RARB: variants seen among roughly 807,000 people sequenced by gnomAD.
The protein encoded by RARB is retinoic acid receptor beta, also known as HBV-activated protein.
RARB carries 17 observed loss-of-function variants against 51.9 expected under a neutral mutation model. The ratio of observed to expected loss-of-function variants is 0.33; its 90% CI spans 0.22 to 0.49. The LOEUF is 0.49. RARB is among the 20% of genes least tolerant of loss of function. The probability of loss-of-function intolerance (pLI) is 0.99; values close to 1 mark genes in which losing one functional copy is unlikely to be tolerated. For missense variants in RARB, 369 were observed against 550.8 expected (o/e 0.67, Z 3.30); for synonymous variants, 215 against 195.4 (o/e 1.10, Z -0.84).
At chr3:25,319,965 A>G (rs116669101) in intron 5 of RARB, among the ~76,000 whole-genome samples, 1,691 of 152,258 alleles carry the variant, frequency 0.011, 14 homozygotes, top group Non-Finnish European at 0.017. Context: ...CTTGCCGTAA[A>G]TCAGTCTTTC....
intron 5 of RARB, among the ~76,000 whole-genome samples, chr3:25,183,283 A>G (rs1700901076): frequency 6.6e-6 from 1 of 151,982 alleles, no homozygotes; most frequent in South Asian, 2.1e-4. Flanking sequence ...GACTTTTTTT[A>G]TTACTGCATA....
At chr3:25,037,296 G>A (rs1698017984) in intron 2 of RARB, among the ~76,000 whole-genome samples, 1 of 150,078 alleles carries the variant, frequency 6.7e-6, no homozygotes, top group South Asian at 2.1e-4. Context: ...GGCGAATAAA[G>A]TTTCAAAGAA....
intron 5 of RARB, among the ~76,000 whole-genome samples, chr3:25,418,452 A>G (rs1031723578): frequency 5.9e-5 from 9 of 152,136 alleles, no homozygotes; most frequent in African/African-American, 1.9e-4. Context: ...ACAATTGCAA[A>G]TGAAAAGAAT....
intron 5 of RARB, among the ~76,000 whole-genome samples, chr3:25,181,860 C>T (rs372410094): frequency 7.2e-5 from 11 of 152,166 alleles, no homozygotes; most frequent in Admixed American, 5.9e-4. Context: ...GTGCTGTTCT[C>T]GGTATTCAAG....
chr3:25,097,932 G>A (rs1329447228), intron 3 of RARB, among the ~76,000 whole-genome samples: 1 of 152,160 alleles, frequency 6.6e-6, no homozygotes, highest in Non-Finnish European at 1.5e-5. Context: ...GATTCAAAGA[G>A]AAAACCATGG....
chr3:25,484,611 T>A (rs1344571644), intron 2 of RARB, among the ~76,000 whole-genome samples: 1 of 152,230 alleles, frequency 6.6e-6, no homozygotes, highest in Non-Finnish European at 1.5e-5. Context: ...GAAAATTATA[T>A]GAAATTCAAT....
chr3:24,877,833 A>G (rs1411340658), intron 2 of RARB, among the ~76,000 whole-genome samples: 1 of 152,176 alleles, frequency 6.6e-6, no homozygotes, highest in African/African-American at 2.4e-5. Context: ...ACCTGTCCAC[A>G]GGCCTCCAAC....
chr3:25,369,715 G>A (rs1575349078), intron 5 of RARB, among the ~76,000 whole-genome samples: 1 of 152,158 alleles, frequency 6.6e-6, no homozygotes, highest in Admixed American at 6.5e-5. Flanking sequence ...CTGAGGTCAG[G>A]AGTTTGAGAC....
intron 2 of RARB, among the ~76,000 whole-genome samples, chr3:24,904,930 C>T (rs13093492): frequency 0.34 from 51,989 of 152,070 alleles, 10,937 homozygotes; most frequent in Non-Finnish European, 0.46. Flanking sequence ...CCAAACACTG[C>T]GTGTTCTCAG....
intron 2 of RARB, among the ~76,000 whole-genome samples, chr3:25,006,772 C>T (rs1390307147): frequency 6.6e-6 from 1 of 152,124 alleles, no homozygotes; most frequent in Admixed American, 6.6e-5. Context: ...ACCACTGTTA[C>T]TCCAGGAGTA....
rs1469329298 is a variant in RARB at position 25,234,219 on chromosome 3, A to G, written c.178+59644A>G. On this transcript the variant is annotated intron_variant, in intron 5 of 11. Coordinates refer to the RARB transcript ENST00000383772. ...TTTTCTTTGTTGAAGGTTTTTAACT[A>G]TGTATTCAATTTATTTAATATATGT... Among the ~76,000 whole-genome samples the G allele has an allele frequency of 4.6e-5, 7 of 152,278 alleles. No homozygotes were observed. In the Middle Eastern group the frequency reaches 0.01, roughly 222 times the overall value.
At chr3:25,453,266 T>G (rs975159338) in intron 1 of RARB, among the ~76,000 whole-genome samples, 86 of 85,178 alleles carry the variant, frequency 1.0e-3, no homozygotes, top group Middle Eastern at 0.016. Flanking sequence ...TTTTTTTTTT[T>G]GAGACAGTTT....
chr3:24,848,771 C>A (rs866310094), intron 1 of RARB, among the ~76,000 whole-genome samples: 1 of 152,200 alleles, frequency 6.6e-6, no homozygotes, highest in African/African-American at 2.4e-5. Context: ...TTTTACTTCA[C>A]GATGTCCTAG....
intron 1 of RARB, among the ~76,000 whole-genome samples, chr3:25,431,353 T>G (rs962818203): frequency 1.3e-5 from 2 of 152,180 alleles, no homozygotes. Flanking sequence ...GGTGTTAAAA[T>G]ATTCCCTTTA....
At chr3:25,512,377 C>T (rs1229365248) in intron 3 of RARB, among the ~76,000 whole-genome samples, 2 of 152,230 alleles carry the variant, frequency 1.3e-5, no homozygotes, top group Non-Finnish European at 2.9e-5. Flanking sequence ...GGGCCAGAAG[C>T]AGTTTCAGCT....
At chr3:24,921,949 C>T (rs1325275566) in intron 2 of RARB, among the ~76,000 whole-genome samples, 1 of 152,190 alleles carries the variant, frequency 6.6e-6, no homozygotes, top group Non-Finnish European at 1.5e-5. Flanking sequence ...ACCTGCCCAA[C>T]ATTGTTTCAT....
intron 2 of RARB, among the ~76,000 whole-genome samples, chr3:24,965,673 A>G (rs979129700): frequency 2.6e-5 from 4 of 152,180 alleles, no homozygotes; most frequent in Non-Finnish European, 5.9e-5. Flanking sequence ...TCACACAGTT[A>G]TAAGGATTAA....
intron 5 of RARB, among the ~76,000 whole-genome samples, chr3:25,220,515 G>C (rs1435262448): frequency 6.6e-6 from 1 of 152,066 alleles, no homozygotes; most frequent in Non-Finnish European, 1.5e-5. Flanking sequence ...ACGTATCAAG[G>C]GAGAGACCAC....
chr3:25,214,061 G>T (rs1701761897), intron 5 of RARB, among the ~76,000 whole-genome samples: 1 of 152,210 alleles, frequency 6.6e-6, no homozygotes, highest in South Asian at 2.1e-4. Flanking sequence ...TTTCTGTGAA[G>T]ATGCAATACA....
Sources: gnomAD v4.1 joint callset for allele counts (sites outside exome capture counted in the v4.1 genomes callset) on GRCh38, gnomAD v4.1.1 for gene constraint, MANE v1.5 for transcripts, NCBI Gene and HGNC (gene_info 2026-07-23, HGNC 2026-07-21) for gene names.